Variants in CACNA1A observed in about 807,000 individuals in gnomAD.
CACNA1A encodes calcium voltage-gated channel subunit alpha1 A.
In CACNA1A, 57 loss-of-function variants were observed where a neutral mutation model predicts 262.4. The observed-to-expected ratio is 0.22, with a 90% CI of 0.18 to 0.27. CACNA1A has a LOEUF of 0.27. CACNA1A is among the 10% of genes least tolerant of loss of function. The pLI is 1.00. For synonymous variants in CACNA1A, 1,431 were observed against 1,419.3 expected (o/e 1.01, Z -0.18); for missense variants, 2,526 against 3,562.8 (o/e 0.71, Z 7.41).
chr19:13,459,494 C>T (rs1031485253), intron 1 of CACNA1A, among the ~76,000 whole-genome samples: 6 of 152,156 alleles, frequency 3.9e-5, no homozygotes, highest in South Asian at 2.1e-4. Flanking sequence ...CCGGCCTTGC[C>T]GACGATCATC....
intron 3 of CACNA1A, among the ~76,000 whole-genome samples, chr19:13,430,348 A>G (rs1171278201): frequency 1.3e-5 from 2 of 152,090 alleles, no homozygotes; most frequent in African/African-American, 2.4e-5. Context: ...CTAGGACTAC[A>G]GGCGTGCAAT....
intron 1 of CACNA1A, among the ~76,000 whole-genome samples, chr19:13,468,978 A>G (rs1460768413): frequency 6.6e-6 from 1 of 152,142 alleles, no homozygotes; most frequent in African/African-American, 2.4e-5. Context: ...AAGCAAGAGA[A>G]TCAAAGAAAG....
chr19:13,358,477 C>T (rs539025512), intron 6 of CACNA1A, among the ~76,000 whole-genome samples: 11 of 152,240 alleles, frequency 7.2e-5, no homozygotes, highest in South Asian at 4.1e-4. Context: ...ATCTCTAGAA[C>T]GTGTGGTTAT....
chr19:13,361,560 G>T (rs990078551), intron 5 of CACNA1A, among the ~76,000 whole-genome samples: 1 of 152,210 alleles, frequency 6.6e-6, no homozygotes, highest in Non-Finnish European at 1.5e-5. Context: ...ATCTCTCAAT[G>T]TATGTGCTAC....
At chr19:13,280,600 G>A (rs1337789263) in intron 22 of CACNA1A, among the ~76,000 whole-genome samples, 1 of 151,924 alleles carries the variant, frequency 6.6e-6, no homozygotes, top group Non-Finnish European at 1.5e-5. Context: ...ACAGGGGATG[G>A]ATAACACATC....
intron 5 of CACNA1A, chr19:13,362,755 T>C (rs559215761): frequency 6.6e-6 from 1 of 152,310 alleles, no homozygotes; most frequent in African/African-American, 2.4e-5. Context: ...TTGTTTCCTC[T>C]AACTATTTTG....
chr19:13,470,490 C>A (rs1235929265), intron 1 of CACNA1A, among the ~76,000 whole-genome samples: 5 of 152,180 alleles, frequency 3.3e-5, no homozygotes, highest in Non-Finnish European at 5.9e-5. Flanking sequence ...CTTTTTCTAT[C>A]CAATCTCTAA....
At chr19:13,487,383 C>G (rs111883463) in intron 1 of CACNA1A, among the ~76,000 whole-genome samples, 371 of 152,204 alleles carry the variant, frequency 2.4e-3, no homozygotes, top group Non-Finnish European at 4.1e-3. Context: ...CACAGTCTCA[C>G]CTGGATGGCG....
At chr19:13,321,311 G>T (rs2058247693) in intron 10 of CACNA1A, among the ~76,000 whole-genome samples, 1 of 152,118 alleles carries the variant, frequency 6.6e-6, no homozygotes, top group Non-Finnish European at 1.5e-5. Context: ...TGGCATTACA[G>T]GCATGAGATA....
intron 31 of CACNA1A, among the ~76,000 whole-genome samples, chr19:13,239,768 G>C (rs2056006618): frequency 6.6e-6 from 1 of 152,074 alleles, no homozygotes; most frequent in African/African-American, 2.4e-5. Context: ...AGGGTGGGTA[G>C]ATGTAGCAGA....
chr19:13,441,479 CAACATGGTGAA>C (rs1168895102), intron 3 of CACNA1A, among the ~76,000 whole-genome samples: 1 of 151,810 alleles, frequency 6.6e-6, no homozygotes, highest in Non-Finnish European at 1.5e-5. Context: ...TCAGCCTGGC[CAACATGGTGAA>C]ACCCCCTCTC....
intron 24 of CACNA1A, among the ~76,000 whole-genome samples, chr19:13,265,163 C>T (rs888644920): frequency 1.4e-4 from 22 of 152,180 alleles, no homozygotes; most frequent in African/African-American, 5.1e-4. Context: ...CATGAGCCAC[C>T]GCACCTGGCC....
At chr19:13,413,696 T>C (rs1474064514) in intron 3 of CACNA1A, among the ~76,000 whole-genome samples, 1 of 136,376 alleles carries the variant, frequency 7.3e-6, no homozygotes, top group African/African-American at 2.8e-5. Context: ...CCGGCCAACA[T>C]AGCGAAACCC....
chr19:13,281,952 C>T (rs547445999), intron 22 of CACNA1A, among the ~76,000 whole-genome samples: 6 of 152,342 alleles, frequency 3.9e-5, no homozygotes, highest in East Asian at 1.9e-4. Context: ...CCGAAGGCAA[C>T]GCCTTCTTCA....
intron 22 of CACNA1A, among the ~76,000 whole-genome samples, chr19:13,282,928 G>A (rs908914153): frequency 2.0e-5 from 3 of 152,044 alleles, no homozygotes; most frequent in Admixed American, 6.6e-5. Flanking sequence ...TCTGAGCACC[G>A]CCCCTGCCCC....
chr19:13,469,132 C>T (rs2061303988), intron 1 of CACNA1A, among the ~76,000 whole-genome samples: 2 of 152,166 alleles, frequency 1.3e-5, no homozygotes, highest in Admixed American at 6.5e-5. Context: ...CCAGCCAATG[C>T]CATGAAGGTC....
rs1394058595 is a variant in CACNA1A, at chr19:13,294,220, C to CA, written c.3089+4323dup. 9.6e-4 allele frequency among the ~76,000 whole-genome samples: 96 copies of CA among 99,804 alleles called. 1 individual carries two copies. Among genetic ancestry groups the CA allele is most frequent in the African/African-American group, 3.8e-3 (93 of 24,508 alleles). 65.5% of individuals were successfully genotyped at this position (99,804 alleles called of 152,430 possible). ...CCCTGCCTCAAAAAAAAAAAAAAAA[C>CA]AAACAAAACCCTAAATAAACCAACA... On this transcript the variant is annotated intron_variant, in intron 19 of 46. Coordinates refer to ENST00000360228, the MANE Select transcript of CACNA1A (RefSeq NM_001127222.2).
Position 13,286,926 on chromosome 19 carries a change from G to A in CACNA1A, c.3130C>T (p.Leu1044=), listed in dbSNP as rs1338406895. The change falls in exon 20 of 47, where the codon CTG becomes TTG. Residue 1044 remains leucine (L), a synonymous_variant. Coordinates refer to ENST00000360228, the MANE Select transcript of CACNA1A (RefSeq NM_001127222.2). The part of the protein sequence containing the change: ...GSGVPVSGPN[L]STTRPIQQDL... ...TGCTGGATTGGCCGGGTGGTTGACAGGTTGGGGCCCGACACAGGGACCCCG... is the reference window on the plus strand; with the variant it reads ...TGCTGGATTGGCCGGGTGGTTGACAAGTTGGGGCCCGACACAGGGACCCCG... 6.2e-7 allele frequency: 1 copy of A among 1,610,862 alleles called. No homozygotes were observed. The highest frequency in any genetic ancestry group is 8.5e-7 in the Non-Finnish European group (1 of 1,178,108).
At chr19:13,344,713 G>A (rs1186929749) in intron 6 of CACNA1A, among the ~76,000 whole-genome samples, 1 of 150,630 alleles carries the variant, frequency 6.6e-6, no homozygotes, top group Non-Finnish European at 1.5e-5. Context: ...ATGTTCCTGG[G>A]GTTCCTGTTG....
Sources: gnomAD v4.1 joint callset for allele counts (sites outside exome capture counted in the v4.1 genomes callset) on GRCh38, gnomAD v4.1.1 for gene constraint, MANE v1.5 for transcripts, NCBI Gene and HGNC (gene_info 2026-07-23, HGNC 2026-07-21) for gene names.